The following CACNA2D1 variants were observed in gnomAD, a reference collection of about 807,000 sequenced individuals.
The protein encoded by CACNA2D1 is voltage-dependent calcium channel subunit alpha-2/delta-1.
In CACNA2D1, 53 loss-of-function variants were observed where a neutral mutation model predicts 171.5. That is an observed-to-expected ratio of 0.31 (90% CI 0.25 to 0.39). The LOEUF (loss-of-function observed/expected upper bound fraction) is 0.39. Among genes scored for constraint, CACNA2D1 ranks in the 10% least tolerant of loss-of-function variants. The probability of loss-of-function intolerance (pLI) is 1.00; values close to 1 mark genes in which losing one functional copy is unlikely to be tolerated. For missense variants in CACNA2D1, 903 were observed against 1,299.8 expected (o/e 0.69, Z 4.69); for synonymous variants, 442 against 443.1 (o/e 1.00, Z 0.03).
intron 21 of CACNA2D1, 34 bp from the exon 22 acceptor site, chr7:81,984,745 C>T (rs1248172665): frequency 9.9e-6 from 11 of 1,107,134 alleles, no homozygotes; most frequent in Non-Finnish European, 1.5e-5. Flanking sequence ...TAAACACAAA[C>T]AAACAAAAAT....
chr7:82,437,623 G>C (rs2129459589), intron 1 of CACNA2D1, among the ~76,000 whole-genome samples: 1 of 152,194 alleles, frequency 6.6e-6, no homozygotes, highest in African/African-American at 2.4e-5. Context: ...CTGAATTATT[G>C]AAATTAACTA....
At chr7:82,044,001 GA>G (rs1288879800) in intron 10 of CACNA2D1, among the ~76,000 whole-genome samples, 2 of 152,190 alleles carry the variant, frequency 1.3e-5, no homozygotes, top group African/African-American at 4.8e-5. Flanking sequence ...TTCAGTGAAA[GA>G]GAAGTAGCTC....
intron 3 of CACNA2D1, among the ~76,000 whole-genome samples, chr7:82,310,244 T>C (rs1814259839): frequency 6.6e-6 from 1 of 151,768 alleles, no homozygotes; most frequent in East Asian, 1.9e-4. Flanking sequence ...ATTAATATAA[T>C]TAAATCTATT....
intron 25 of CACNA2D1, among the ~76,000 whole-genome samples, chr7:81,973,320 AATC>A (rs1307776865): frequency 2.0e-5 from 3 of 152,058 alleles, no homozygotes; most frequent in African/African-American, 4.8e-5. Context: ...AAAGGTTTGG[AATC>A]ATCATGTTAA....
At chr7:82,115,480 G>C (rs1351754316) in intron 6 of CACNA2D1, among the ~76,000 whole-genome samples, 2 of 151,788 alleles carry the variant, frequency 1.3e-5, no homozygotes, top group African/African-American at 4.8e-5. Context: ...GTATTGTAAA[G>C]AAGTTAAATT....
intron 3 of CACNA2D1, among the ~76,000 whole-genome samples, chr7:82,327,322 GGATTTCT>G (rs1261531902): frequency 1.3e-5 from 2 of 152,102 alleles, no homozygotes; most frequent in Non-Finnish European, 2.9e-5. Context: ...TAACAGAGTG[GGATTTCT>G]GCAAATCTCT....
At chr7:82,038,287 T>C (rs765984345) in intron 10 of CACNA2D1, 52 bp from the exon 11 acceptor site, 7 of 1,486,988 alleles carry the variant, frequency 4.7e-6, no homozygotes, top group Middle Eastern at 2.2e-4. Flanking sequence ...ATCAACCATA[T>C]AGTTTTCATA....
chr7:82,060,152 AT>A lies in CACNA2D1; in HGVS notation c.879+275del, dbSNP rs1185558379. 1.9e-4 allele frequency among the ~76,000 whole-genome samples: 11 copies of A among 58,122 alleles called. 1 individual carries two copies. Among genetic ancestry groups the A allele is most frequent in the Admixed American group, 9.8e-4 (3 of 3,050 alleles). 38.1% of individuals were successfully genotyped at this position (58,122 alleles called of 152,430 possible). On this transcript the variant is annotated intron_variant, in intron 10 of 38. Transcript: ENST00000356860. ...CCTAAAACTTAAATTATATATATGT[AT>A]TATATATATATAATATATATATATA... is the stretch of plus-strand genomic sequence containing the variant.
Position 81,983,328 on chromosome 7 carries a change from T to A in CACNA2D1, c.1880A>T (p.Lys627Met). The A allele has an allele frequency of 6.2e-7, 1 of 1,609,426 alleles. No individual in the cohort carries two copies. Among genetic ancestry groups the A allele is most frequent in the South Asian group, 1.1e-5 (1 of 90,756 alleles). ...EETITQARSKKGKMKDSETLK... is the reference protein window; with the variant it reads ...EETITQARSKMGKMKDSETLK... Reference sequence around the variant, plus strand: ...AAAATACTTGCCCTTCATTTTGCCCTTTTTTGCTGTGAAAATCCATCAGAA... The same window carrying A: ...AAAATACTTGCCCTTCATTTTGCCCATTTTTGCTGTGAAAATCCATCAGAA... Residue 627 changes from lysine (K) to methionine (M), a missense_variant, in exon 23 of 39, where the codon AAG (lysine) becomes ATG (methionine). Physicochemically the swap from Lys to Met is moderately conservative, Grantham distance 95. Transcript: ENST00000356860.
chr7:82,358,788 A>G (rs1820752555), intron 1 of CACNA2D1, among the ~76,000 whole-genome samples: 1 of 152,016 alleles, frequency 6.6e-6, no homozygotes, highest in Non-Finnish European at 1.5e-5. Context: ...TTTTGTTCAT[A>G]AGATCTTCTT....
intron 18 of CACNA2D1, among the ~76,000 whole-genome samples, chr7:81,999,029 AAAT>A (rs776413343): frequency 9.9e-5 from 15 of 152,152 alleles, no homozygotes; most frequent in Non-Finnish European, 1.9e-4. Flanking sequence ...AGCAAAGTCA[AAAT>A]AATGAAAATA....
At chr7:82,052,850 T>C (rs1805344948) in intron 10 of CACNA2D1, among the ~76,000 whole-genome samples, 1 of 152,182 alleles carries the variant, frequency 6.6e-6, no homozygotes, top group African/African-American at 2.4e-5. Flanking sequence ...CTAAGACTTT[T>C]TCTACTGTTT....
chr7:82,066,866 A>G (rs1807696814), intron 7 of CACNA2D1, among the ~76,000 whole-genome samples: 1 of 152,098 alleles, frequency 6.6e-6, no homozygotes, highest in Admixed American at 6.6e-5. Flanking sequence ...CCACTAATGA[A>G]AATTGTGCTT....
intron 4 of CACNA2D1, among the ~76,000 whole-genome samples, chr7:82,151,933 G>A (rs1305255514): frequency 1.3e-5 from 2 of 152,012 alleles, no homozygotes; most frequent in Admixed American, 1.3e-4. Context: ...TACAAAACTA[G>A]AAGGAGGTAT....
At chr7:82,300,551 TA>T (rs1250622484) in intron 3 of CACNA2D1, among the ~76,000 whole-genome samples, 4 of 152,152 alleles carry the variant, frequency 2.6e-5, no homozygotes, top group Admixed American at 1.3e-4. Context: ...TTTGCTACCG[TA>T]AGTATGCAGG....
At chr7:82,014,294 C>G (rs1800154890) in intron 13 of CACNA2D1, 107 bp downstream of exon 13, 2 of 692,288 alleles carry the variant, frequency 2.9e-6, no homozygotes, top group Admixed American at 2.1e-5. Flanking sequence ...TTGTCTGATT[C>G]CTATAAAAGT....
chr7:82,090,732 A>C (rs1186349928), intron 6 of CACNA2D1, among the ~76,000 whole-genome samples: 1 of 152,038 alleles, frequency 6.6e-6, no homozygotes, highest in Non-Finnish European at 1.5e-5. Flanking sequence ...AAGGGTTTCA[A>C]ATCTAGTTTT....
chr7:82,406,421 C>G (rs1437432967), intron 1 of CACNA2D1, among the ~76,000 whole-genome samples: 4 of 152,142 alleles, frequency 2.6e-5, no homozygotes, highest in Non-Finnish European at 5.9e-5. Context: ...AATGGGATGG[C>G]TGGGTCAAAT....
chr7:82,177,626 G>T (rs3919483), intron 3 of CACNA2D1, among the ~76,000 whole-genome samples: 109,909 of 151,792 alleles, frequency 0.72, 39,818 homozygotes, highest in East Asian at 0.78. Context: ...GCATCAAAAT[G>T]TTATACATCA....
Sources: gnomAD v4.1 joint callset for allele counts (sites outside exome capture counted in the v4.1 genomes callset) on GRCh38, gnomAD v4.1.1 for gene constraint, MANE v1.5 for transcripts, NCBI Gene and HGNC (gene_info 2026-07-23, HGNC 2026-07-21) for gene names.